Variants in COL4A1 observed in about 807,000 individuals in gnomAD.
COL4A1 encodes the protein collagen type IV alpha 1 chain.
A neutral mutation model predicts 216.6 loss-of-function variants in COL4A1; 40 were observed. That is an observed-to-expected ratio of 0.18 (90% confidence interval 0.14 to 0.24). COL4A1 has a LOEUF of 0.24. Among genes scored for constraint, COL4A1 ranks in the 10% least tolerant of loss-of-function variants. The pLI is 1.00. For missense variants in COL4A1, 1,628 were observed against 2,196.8 expected (o/e 0.74, Z 5.18); for synonymous variants, 839 against 810.7 (o/e 1.03, Z -0.59).
intron 1 of COL4A1, among the ~76,000 whole-genome samples, chr13:110,262,074 G>C (rs1882850366): frequency 6.6e-6 from 1 of 152,192 alleles, no homozygotes; most frequent in Non-Finnish European, 1.5e-5. Flanking sequence ...GTGGAGTGTG[G>C]TTTCTTCAAC....
At chr13:110,169,493 G>A (rs1877503125) in intron 43 of COL4A1, 136 bp downstream of exon 43, 9 of 1,189,126 alleles carry the variant, frequency 7.6e-6, no homozygotes, top group Middle Eastern at 2.2e-4. Flanking sequence ...GGATGTGGGA[G>A]TGTAACACAC....
Position 110,211,473 on chromosome 13 carries a change from A to C in COL4A1, c.468+174T>G, listed in dbSNP as rs958024517. ...CCAAGTGTCTGAACGTTAGAGTCTG[A>C]GATCTGAGTTTGTGGGTTACTTGTA... On this transcript the variant is annotated intron_variant, in intron 8 of 51. Transcript: ENST00000375820. The surrounding 1 kb of genome is among the most constrained non-coding windows in gnomAD (Gnocchi z 4.3). Among the ~76,000 whole-genome samples, 2 of 152,202 alleles carry C rather than the reference A, an allele frequency of 1.3e-5. No individual in the cohort carries two copies. Among genetic ancestry groups the C allele is most frequent in the Non-Finnish European group, 1.5e-5 (1 of 68,044 alleles).
chr13:110,228,481 G>A (rs1283396399), intron 2 of COL4A1, among the ~76,000 whole-genome samples: 8 of 152,200 alleles, frequency 5.3e-5, no homozygotes. Context: ...AGGGAGAACA[G>A]GGAAGCCTTG....
At chr13:110,213,721 C>T in intron 4 of COL4A1, 61 bp downstream of exon 4, 1 of 1,547,606 alleles carries the variant, frequency 6.5e-7, no homozygotes, top group South Asian at 1.1e-5. Context: ...AGGTGCCCGG[C>T]TCTGGAAGCG....
chr13:110,300,927 T>C (rs1884466782), intron 1 of COL4A1, among the ~76,000 whole-genome samples: 1 of 152,232 alleles, frequency 6.6e-6, no homozygotes, highest in Non-Finnish European at 1.5e-5. Flanking sequence ...ATTTGTCTTG[T>C]ACCTTAAAGA....
In COL4A1 at chr13:110,158,780, T is replaced by C. The variant is rs902965976; in HGVS notation, c.4640+2412A>G. Among the ~76,000 whole-genome samples the C allele has an allele frequency of 2.7e-5, 4 of 149,286 alleles. No individual in the cohort carries two copies. In the East Asian group the frequency reaches 7.9e-4, roughly 29 times the overall value. On this transcript the variant is annotated intron_variant, in intron 49 of 51. Coordinates refer to ENST00000375820, the MANE Select transcript of COL4A1 (RefSeq NM_001845.6). ...TTTTTGAGACAGAGTTTTGCTCTTG[T>C]CGCCTAGGCTGGAGTGCAATGGTGC...
At chr13:110,277,101 C>A (rs371024019) in intron 1 of COL4A1, among the ~76,000 whole-genome samples, 7 of 152,116 alleles carry the variant, frequency 4.6e-5, no homozygotes, top group Non-Finnish European at 8.8e-5. Flanking sequence ...ATGTATAGTA[C>A]GTTAATCGAG....
At chr13:110,287,261 G>A (rs550959457) in intron 1 of COL4A1, among the ~76,000 whole-genome samples, 1 of 152,266 alleles carries the variant, frequency 6.6e-6, no homozygotes, top group African/African-American at 2.4e-5. Flanking sequence ...AATTCCTTTA[G>A]GCCGCATGAC....
At chr13:110,182,972 G>T in intron 28 of COL4A1, 21 bp downstream of exon 28, 1 of 1,601,950 alleles carries the variant, frequency 6.2e-7, no homozygotes, top group Non-Finnish European at 8.5e-7. Flanking sequence ...CCAAAGGCTC[G>T]GGTCCGTCTG....
At position 110,227,387 on chromosome 13, in the gene COL4A1, GACACACAC is replaced by G. The variant is rs373355054; in HGVS notation, c.145-13380_145-13373del. Among the ~76,000 whole-genome samples, 945 of 138,766 alleles carry G rather than the reference GACACACAC, an allele frequency of 6.8e-3. 8 individuals carry two copies. Among genetic ancestry groups the G allele is most frequent in the African/African-American group, 0.021 (778 of 36,954 alleles). The allele number at this position is 138,766 out of a possible 152,430, so 91.0% of individuals were successfully genotyped here. A position where few individuals can be genotyped will look rare whatever the true frequency, so the allele number is the denominator to read the frequency against. On this transcript the variant is annotated intron_variant, in intron 2 of 51. Transcript: ENST00000375820. ...TAGATGACCAAGTATGGGTACGGTA[GACACACAC>G]ACACACACACACACACACACACACA...
chr13:110,287,647 G>A (rs1883894971), intron 1 of COL4A1, among the ~76,000 whole-genome samples: 1 of 152,254 alleles, frequency 6.6e-6, no homozygotes, highest in Non-Finnish European at 1.5e-5. Flanking sequence ...GCACGTCCTT[G>A]AGCGCCGTAC....
chr13:110,180,333 G>A (rs1337635116), intron 29 of COL4A1, among the ~76,000 whole-genome samples: 2 of 152,242 alleles, frequency 1.3e-5, no homozygotes, highest in Non-Finnish European at 2.9e-5. Flanking sequence ...GAAGCTGGTG[G>A]CGGGTTGTAC....
intron 1 of COL4A1, among the ~76,000 whole-genome samples, chr13:110,284,578 T>C (rs1473053866): frequency 6.6e-6 from 1 of 152,214 alleles, no homozygotes; most frequent in Non-Finnish European, 1.5e-5. Context: ...GCAAAACACA[T>C]GGAGAAGTAG....
intron 29 of COL4A1, 60 bp downstream of exon 29, chr13:110,181,232 C>A (rs751237749): frequency 6.5e-7 from 1 of 1,544,826 alleles, no homozygotes; most frequent in Non-Finnish European, 8.9e-7. Context: ...TGCATTTTTT[C>A]CATCCAACTA....
At position 110,166,247 on chromosome 13, in the gene COL4A1, C is replaced by T. The variant is rs202209298; in HGVS notation, c.4006G>A (p.Val1336Ile). The change falls in exon 45 of 52, where the codon GTC becomes ATC. Residue 1336 changes from valine (V) to isoleucine (I), a missense_variant. Transcript: ENST00000375820. The part of the protein sequence containing the change: ...GIKGDQGDQG[V>I]PGAKGLPGPP... ...ACTCTCCTACCTTTAGCTCCCGGGA[C>T]GCCTTGATCGCCTTGATCACCTTTA... The T allele has an allele frequency of 5.2e-5, 84 of 1,607,786 alleles. No homozygotes were observed. Among genetic ancestry groups the T allele is most frequent in the Middle Eastern group, 3.3e-4 (2 of 6,052 alleles).
chr13:110,155,457 T>C (rs1173094039), intron 49 of COL4A1, 60 bp from the exon 50 acceptor site: 11 of 1,105,988 alleles, frequency 9.9e-6, no homozygotes, highest in Non-Finnish European at 1.5e-5. Flanking sequence ...CCGCCCTCCA[T>C]GCACTGCCCC....
chr13:110,150,707 A>G (rs1876462591), intron 51 of COL4A1, among the ~76,000 whole-genome samples: 1 of 152,224 alleles, frequency 6.6e-6, no homozygotes, highest in Non-Finnish European at 1.5e-5. Flanking sequence ...GCACAGCTGA[A>G]GTCCCGCCAC....
In COL4A1 at chr13:110,211,196, TC is replaced by T. The variant is rs1398424986; in HGVS notation, c.468+450del. Reference sequence around the variant, plus strand: ...GATCCCAACATCCAGATGCCCGAGGTCCCCGCCCTGTGCCCAAGCACAGCCG... The same window carrying T: ...GATCCCAACATCCAGATGCCCGAGGTCCCGCCCTGTGCCCAAGCACAGCCG... On this transcript the variant is annotated intron_variant, in intron 8 of 51. Coordinates refer to ENST00000375820, the MANE Select transcript of COL4A1 (RefSeq NM_001845.6). The surrounding 1 kb of genome is among the most constrained non-coding windows in gnomAD (Gnocchi z 4.3). Among the ~76,000 whole-genome samples the T allele has an allele frequency of 6.6e-6, 1 of 151,976 alleles. No individual in the cohort carries two copies. The highest frequency in any genetic ancestry group is 1.5e-5 in the Non-Finnish European group (1 of 68,006).
chr13:110,306,083 A>G (rs957200595), intron 1 of COL4A1: 7 of 152,218 alleles, frequency 4.6e-5, no homozygotes, highest in Non-Finnish European at 7.3e-5. Context: ...GAGGGGAAGG[A>G]AAAAAGGAAA....
Sources: allele counts gnomAD v4.1 joint callset (sites outside exome capture counted in the v4.1 genomes callset), GRCh38; gene constraint gnomAD v4.1.1; non-coding constraint Gnocchi (gnomAD v3.1); transcripts MANE v1.5; gene names NCBI Gene and HGNC (gene_info 2026-07-23, HGNC 2026-07-21).